Variants in EXOSC8 observed in about 807,000 individuals in gnomAD.
EXOSC8 encodes the protein exosome component 8, also known as exosome complex component RRP43.
Under a neutral mutation model 39.9 loss-of-function variants are expected in EXOSC8, and 37 were observed. That is an observed-to-expected ratio of 0.93 (90% CI 0.71 to 1.22). The LOEUF (loss-of-function observed/expected upper bound fraction) is 1.22. EXOSC8 is among the 50% of genes most tolerant of loss of function. The pLI, the probability that EXOSC8 is intolerant of heterozygous loss-of-function variation, is 0.00. For missense variants in EXOSC8, 313 were observed against 326.6 expected, an observed-to-expected ratio of 0.96 and a Z score of 0.32; for synonymous variants, 93 against 109.5, an observed-to-expected ratio of 0.85 and a Z score of 0.94.
chr13:37,003,045 A>G (rs746404817), intron 4 of EXOSC8, 38 bp downstream of exon 4: 5 of 1,229,718 alleles, frequency 4.1e-6, no homozygotes, highest in Non-Finnish European at 6.0e-6. Flanking sequence ...TTGAGTTACA[A>G]AGTTAGCTTT....
Position 37,002,490 on chromosome 13 carries a change from A to C in EXOSC8, c.57A>C (p.Lys19Asn), listed in dbSNP as rs773813112. ...TTTATATAAACATATTTATTTAGAA[A>C]GAGAACTGCCGTCCTGATGGAAGAG... Reference protein sequence around the residue: ...EPLEYYRRFLKENCRPDGREL... With the variant: ...EPLEYYRRFLNENCRPDGREL... Residue 19 changes from lysine to asparagine, a missense_variant and splice_region_variant, in exon 3 of 11, where the codon AAA (lysine) becomes AAC (asparagine). Physicochemically the swap from Lys to Asn is moderately conservative, Grantham distance 94. Coordinates refer to ENST00000389704, the MANE Select transcript of EXOSC8 (RefSeq NM_181503.3). The C allele has an allele frequency of 6.4e-7, 1 of 1,562,696 alleles. No homozygotes were observed. The highest frequency in any genetic ancestry group is 2.3e-5 in the East Asian group (1 of 44,304).
At position 37,002,906 on chromosome 13, in the gene EXOSC8, G is replaced by T. The variant is rs533688679; in HGVS notation, c.119-28G>T. On this transcript the variant is annotated intron_variant, in intron 3 of 10. Coordinates refer to ENST00000389704, the MANE Select transcript of EXOSC8 (RefSeq NM_181503.3). ...AATTTTGTAGCTGTTTTCCTTTTAT[G>T]AACCTTTCATTTTGCTTATCTTTTC... 5.3e-5 allele frequency: 81 copies of T among 1,517,280 alleles called. No individual in the cohort carries two copies. In the South Asian group the frequency reaches 9.0e-4, roughly 17 times the overall value. The allele number at this position is 1,517,280 out of a possible 1,614,324, so 94.0% of individuals were successfully genotyped here. A position where few individuals can be genotyped will look rare whatever the true frequency, so the allele number is the denominator to read the frequency against.
chr13:37,004,666 T>C (rs1377927698), intron 5 of EXOSC8, 105 bp downstream of exon 5: 1 of 691,924 alleles, frequency 1.4e-6, no homozygotes, highest in Non-Finnish European at 2.4e-6. Flanking sequence ...ATTCCTAATA[T>C]TCGGAAATAT....
intron 1 of EXOSC8, 66 bp from the exon 2 acceptor site, chr13:37,002,207 C>A: frequency 8.1e-7 from 1 of 1,234,256 alleles, no homozygotes; most frequent in Non-Finnish European, 1.2e-6. Flanking sequence ...AAGATCTTTG[C>A]CAATTTCTGG....
chr13:37,001,512 T>C (rs1483848990), intron 1 of EXOSC8: 2 of 152,220 alleles, frequency 1.3e-5, no homozygotes, highest in East Asian at 3.8e-4. Context: ...AAGGTTTTTG[T>C]GTGTGTGAAG....
At chr13:37,001,603 A>G (rs2059105581) in intron 1 of EXOSC8, 2 of 152,244 alleles carry the variant, frequency 1.3e-5, no homozygotes, top group Admixed American at 1.3e-4. Context: ...TGAAATAGTT[A>G]TCTATGAGTA....
chr13:37,002,855 CACTT>C, intron 3 of EXOSC8, 75 bp from the exon 4 acceptor site: 1 of 960,350 alleles, frequency 1.0e-6, no homozygotes, highest in Admixed American at 1.9e-5. Context: ...CAAACTAAAA[CACTT>C]AATTTTAATT....
At chr13:37,004,218 C>G (rs1231162015) in intron 4 of EXOSC8, 3 of 256,292 alleles carry the variant, frequency 1.2e-5, no homozygotes, top group African/African-American at 2.2e-5. Context: ...AAATCTTGCT[C>G]TATCATCTGG....
chr13:37,008,958 G>A (rs2059184385), intron 10 of EXOSC8, 123 bp downstream of exon 10: 1 of 752,444 alleles, frequency 1.3e-6, no homozygotes. Context: ...TAGTTTCTTA[G>A]CTACCTAAAA....
chr13:37,003,162 A>G (rs1593698212), intron 4 of EXOSC8, 155 bp downstream of exon 4: 1 of 504,978 alleles, frequency 2.0e-6, no homozygotes, highest in East Asian at 3.2e-5. Flanking sequence ...AGTGTTAGAT[A>G]ATATGACCCA....
chr13:37,008,208 C>G, intron 9 of EXOSC8, 31 bp downstream of exon 9: 4 of 1,564,534 alleles, frequency 2.6e-6, no homozygotes, highest in Non-Finnish European at 3.5e-6. Flanking sequence ...TTAAAATTTT[C>G]TATATTTAAG....
Position 37,006,983 on chromosome 13 carries a change from G to C in EXOSC8, c.399G>C (p.Trp133Cys), listed in dbSNP as rs1301481115. The change falls in exon 8 of 11, where the codon TGG becomes TGC. Residue 133 changes from tryptophan to cysteine, a missense_variant. Physicochemically the swap from Trp to Cys is radical, Grantham distance 215. Coordinates refer to ENST00000389704, the MANE Select transcript of EXOSC8 (RefSeq NM_181503.3). The part of the protein sequence containing the change: ...DLCISPGKLV[W>C]VLYCDLICLD... ...GTTTAATTCTATTTTAGCTTGTCTG[G>C]GTTCTATACTGTGATCTCATTTGCC... 2 of 1,603,808 alleles carry C rather than the reference G, an allele frequency of 1.2e-6. No individual in the cohort carries two copies. Among genetic ancestry groups the C allele is most frequent in the Non-Finnish European group, 1.7e-6 (2 of 1,170,728 alleles).
intron 5 of EXOSC8, among the ~76,000 whole-genome samples, chr13:37,004,804 A>G (rs1219735930): frequency 1.3e-5 from 2 of 152,220 alleles, no homozygotes; most frequent in African/African-American, 4.8e-5. Context: ...TTATACATTC[A>G]TAAGTTACTA....
chr13:37,003,410 A>T (rs2059118820), intron 4 of EXOSC8: 1 of 169,272 alleles, frequency 5.9e-6, no homozygotes, highest in Admixed American at 6.2e-5. Context: ...TATGTTCCAG[A>T]CACCTTTTTA....
chr13:37,007,935 C>T lies in EXOSC8; in HGVS notation c.488-122C>T, dbSNP rs2059158568. 8 of 723,474 alleles carry T rather than the reference C, an allele frequency of 1.1e-5. No individual in the cohort carries two copies. The Admixed American group carries it at 1.1e-4, about 10-fold the overall frequency. The allele number at this position is 723,474 out of a possible 1,614,324, so 44.8% of individuals were successfully genotyped here. On this transcript the variant is annotated intron_variant, in intron 8 of 10. Transcript: ENST00000389704. The stretch of plus-strand genomic sequence containing the variant: ...TATTTACCTTAGTGGCTGTAAGGTG[C>T]TTTTTAAAAAGAAATGTTCTGGGCA...
Position 37,000,836 on chromosome 13 carries a change from G to C in EXOSC8, c.17+14G>C, listed in dbSNP as rs775782842. 1.9e-6 allele frequency: 3 copies of C among 1,565,444 alleles called. No homozygotes were observed. Among genetic ancestry groups the C allele is most frequent in the Admixed American group, 1.9e-5 (1 of 53,576 alleles). On this transcript the variant is annotated intron_variant, in intron 1 of 10. Coordinates refer to ENST00000389704, the MANE Select transcript of EXOSC8 (RefSeq NM_181503.3). Reference sequence around the variant, plus strand: ...GGCTGGGTTCAAGTGAGTGTTGGCGGGTGGCGGGTAGAGTTCTGTACCCTG... The same window carrying C: ...GGCTGGGTTCAAGTGAGTGTTGGCGCGTGGCGGGTAGAGTTCTGTACCCTG...
At chr13:37,007,722 G>A (rs2059154110) in intron 8 of EXOSC8, among the ~76,000 whole-genome samples, 1 of 151,984 alleles carries the variant, frequency 6.6e-6, no homozygotes, top group East Asian at 1.9e-4. Context: ...ATAAAATAGG[G>A]ATAATAGTAC....
intron 5 of EXOSC8, 74 bp downstream of exon 5, chr13:37,004,635 T>A: frequency 1.1e-6 from 1 of 886,678 alleles, no homozygotes; most frequent in Non-Finnish European, 1.8e-6. Context: ...AAGTCCTAGT[T>A]AAGTTGATGT....
In EXOSC8 at chr13:37,008,788, C is replaced by T. The variant is rs1240681846; in HGVS notation, c.668C>T (p.Thr223Ile). ...GAACATCTGGCAACAGGAACCTTAA[C>T]AATAGTAATGGATGAGGAAGGCAAA... ...EEEHLATGTL[T>I]IVMDEEGKLC... Residue 223 changes from threonine to isoleucine, a missense_variant, in exon 10 of 11, where the codon ACA (threonine) becomes ATA (isoleucine). Transcript: ENST00000389704. 1 of 1,613,554 alleles carries T rather than the reference C, an allele frequency of 6.2e-7. No individual in the cohort carries two copies. The highest frequency in any genetic ancestry group is 8.5e-7 in the Non-Finnish European group (1 of 1,179,584).
Sources: allele counts gnomAD v4.1 joint callset (sites outside exome capture counted in the v4.1 genomes callset), GRCh38; gene constraint gnomAD v4.1.1; transcripts MANE v1.5; gene names NCBI Gene and HGNC (gene_info 2026-07-23, HGNC 2026-07-21).